Variants in MCF2 observed in about 807,000 individuals in gnomAD.
MCF2 encodes the protein proto-oncogene DBL.
Under a neutral mutation model 82.5 loss-of-function variants are expected in MCF2, and 44 were observed. The ratio of observed to expected loss-of-function variants is 0.53; its 90% CI spans 0.42 to 0.69. MCF2 has a LOEUF of 0.69. Among genes scored for constraint, MCF2 ranks in the 30% least tolerant of loss-of-function variants. The probability of loss-of-function intolerance (pLI) is 0.00; values close to 1 mark genes in which losing one functional copy is unlikely to be tolerated. For missense variants in MCF2, 623 were observed against 663.1 expected, an observed-to-expected ratio of 0.94 and a Z score of 0.66; for synonymous variants, 217 against 224.9, an observed-to-expected ratio of 0.96 and a Z score of 0.32.
At chrX:139,652,104 G>A (rs779189435) in intron 1 of MCF2, among the ~76,000 whole-genome samples, 1 of 112,107 alleles carries the variant, frequency 8.9e-6, no homozygotes, top group South Asian at 3.7e-4. Context: ...AGGGTAGATG[G>A]TCATGGGGAG....
chrX:139,614,689 A>G (rs1265767058), intron 10 of MCF2, among the ~76,000 whole-genome samples, 192 bp downstream of exon 13: 1 of 111,654 alleles, frequency 9.0e-6, no homozygotes, highest in East Asian at 2.8e-4. Flanking sequence ...ACTGTACTAT[A>G]TCACTACTAT....
chrX:139,633,464 T>C (rs906259271), intron 1 of MCF2, among the ~76,000 whole-genome samples: 8 of 111,523 alleles, frequency 7.2e-5, no homozygotes, highest in Non-Finnish European at 1.5e-4. Flanking sequence ...AAAGTGAGAC[T>C]CAGAGAGTTT....
chrX:139,669,627 CA>C (rs1934623595), intron 1 of MCF2, among the ~76,000 whole-genome samples: 1 of 111,546 alleles, frequency 9.0e-6, no homozygotes, highest in South Asian at 3.7e-4. Context: ...CATAAAACCC[CA>C]AAGGTGGAAA....
chrX:139,618,231 C>T (rs375641088), intron 7 of MCF2, among the ~76,000 whole-genome samples: 6 of 109,315 alleles, frequency 5.5e-5, no homozygotes, highest in Non-Finnish European at 1.1e-4. Context: ...TGTAGAGACT[C>T]GAACATAGTA....
At chrX:139,691,293 C>G (rs1177484148) in intron 1 of MCF2, among the ~76,000 whole-genome samples, 1 of 111,577 alleles carries the variant, frequency 9.0e-6, no homozygotes, top group Non-Finnish European at 1.9e-5. Context: ...CTGCCACGGC[C>G]CTGCTGCTGG....
At chrX:139,642,850 A>AAGG (rs1263440585) in exon 1 of MCF2, 7 of 904,313 alleles carry the variant, frequency 7.7e-6, no homozygotes, top group Non-Finnish European at 8.2e-6. Flanking sequence ...CTAAGAGTGG[A>AAGG]AGGAGGAGGA....
At chrX:139,669,725 G>A (rs1035533145) in intron 1 of MCF2, among the ~76,000 whole-genome samples, 4 of 111,868 alleles carry the variant, frequency 3.6e-5, no homozygotes, top group Middle Eastern at 4.7e-3. Context: ...AAAAAGAAAC[G>A]AAGGACTAAT....
chrX:139,636,734 A>C (rs1360195766), intron 1 of MCF2, among the ~76,000 whole-genome samples: 1 of 111,950 alleles, frequency 8.9e-6, no homozygotes, highest in African/African-American at 3.2e-5. Flanking sequence ...AGAGAGAAGG[A>C]AAATCACCGT....
intron 7 of MCF2, among the ~76,000 whole-genome samples, chrX:139,619,048 G>C (rs758938741): frequency 1.8e-5 from 2 of 111,105 alleles, no homozygotes; most frequent in Non-Finnish European, 3.8e-5. Context: ...GTCTCCATTT[G>C]GTTAAACTGC....
chrX:139,621,247 G>C (rs949012758), intron 6 of MCF2, among the ~76,000 whole-genome samples: 1 of 111,375 alleles, frequency 9.0e-6, no homozygotes, highest in Non-Finnish European at 1.9e-5. Context: ...CAAGAATCTT[G>C]GGAGAAAAGC....
intron 1 of MCF2, among the ~76,000 whole-genome samples, chrX:139,641,370 AT>A (rs1482761958): frequency 4.5e-5 from 5 of 110,442 alleles, no homozygotes; most frequent in Admixed American, 9.7e-5. Flanking sequence ...AAAAACATGT[AT>A]AGAGCCAAAG....
intron 2 of MCF2, among the ~76,000 whole-genome samples, chrX:139,650,387 C>T (rs1933957563): frequency 9.0e-6 from 1 of 110,841 alleles, no homozygotes; most frequent in Non-Finnish European, 1.9e-5. Context: ...AAAGCAGAGG[C>T]CAGATTGAAG....
chrX:139,664,617 C>T (rs757432421), intron 1 of MCF2, among the ~76,000 whole-genome samples: 1 of 112,485 alleles, frequency 8.9e-6, no homozygotes, highest in Non-Finnish European at 1.9e-5. Flanking sequence ...CTCCCAGAGG[C>T]AAGGCCTGGA....
In MCF2 at chrX:139,588,217, C is replaced by T. The variant is rs1286308616; in HGVS notation, c.2449+143G>A. 3.9e-5 allele frequency: 17 copies of T among 437,665 alleles called. No individual in the cohort carries two copies. The Admixed American group carries it at 6.7e-4, about 17-fold the overall frequency. 36.1% of individuals were successfully genotyped at this position (437,665 alleles called of 1,213,427 possible). On this transcript the variant is annotated intron_variant, in intron 21 of 24. Coordinates refer to ENST00000370576, the Ensembl canonical transcript of MCF2. ...TAAACAATCCTCTGAATCTCAATCT[C>T]CTACTAATTAAATTAACAAATCTTC...
At chrX:139,604,592 A>T in intron 15 of MCF2, 89 bp downstream of exon 19, 2 of 556,175 alleles carry the variant, frequency 3.6e-6, no homozygotes, top group East Asian at 7.5e-5. Context: ...GACATAAAGT[A>T]CCTATCTTGT....
At chrX:139,611,137 G>A (rs949222919) in intron 10 of MCF2, among the ~76,000 whole-genome samples, 15 of 111,650 alleles carry the variant, frequency 1.3e-4, no homozygotes, top group Admixed American at 1.9e-4. Flanking sequence ...AATTCTCAGG[G>A]CTGCTGAAAA....
chrX:139,591,075 A>C (rs779689151), intron 19 of MCF2, among the ~76,000 whole-genome samples: 6 of 111,157 alleles, frequency 5.4e-5, no homozygotes, highest in Non-Finnish European at 9.4e-5. Context: ...GTTTCATTAC[A>C]TGGTTTTGTC....
At chrX:139,622,032 A>G (rs1932412772) in intron 6 of MCF2, among the ~76,000 whole-genome samples, 1 of 111,863 alleles carries the variant, frequency 8.9e-6, no homozygotes, top group Non-Finnish European at 1.9e-5. Flanking sequence ...CAAATTTACA[A>G]GAAAAAAACA....
intron 1 of MCF2, among the ~76,000 whole-genome samples, chrX:139,654,513 G>GT (rs1346402676): frequency 8.9e-6 from 1 of 111,890 alleles, no homozygotes; most frequent in Non-Finnish European, 1.9e-5. Context: ...CTATTGAGTT[G>GT]TTTGAGCTCC....
Sources: gnomAD v4.1 joint callset for allele counts (sites outside exome capture counted in the v4.1 genomes callset) on GRCh38, gnomAD v4.1.1 for gene constraint, MANE v1.5 for transcripts, NCBI Gene and HGNC (gene_info 2026-07-23, HGNC 2026-07-21) for gene names.